Variants in ADGRL3 observed in about 807,000 individuals in gnomAD.
ADGRL3 encodes the protein calcium-independent alpha-latrotoxin receptor 3.
In ADGRL3, 62 loss-of-function variants were observed where a neutral mutation model predicts 153.5. That is an observed-to-expected ratio of 0.40 (90% CI 0.33 to 0.50). The LOEUF (loss-of-function observed/expected upper bound fraction) is 0.50. ADGRL3 is among the 20% of genes least tolerant of loss of function. The pLI, the probability that ADGRL3 is intolerant of heterozygous loss-of-function variation, is 0.47. For missense variants in ADGRL3, 1,641 were observed against 1,859.4 expected, an observed-to-expected ratio of 0.88 and a Z score of 2.16; for synonymous variants, 710 against 672.5, an observed-to-expected ratio of 1.06 and a Z score of -0.86.
chr4:61,790,627 A>C (rs1364949512), intron 8 of ADGRL3, among the ~76,000 whole-genome samples: 1 of 152,212 alleles, frequency 6.6e-6, no homozygotes, highest in Non-Finnish European at 1.5e-5. Context: ...TTCTGATGGA[A>C]ATATGTCTTA....
chr4:62,039,143 C>T (rs922477099), intron 24 of ADGRL3, among the ~76,000 whole-genome samples: 12 of 152,052 alleles, frequency 7.9e-5, no homozygotes, highest in African/African-American at 2.9e-4. Flanking sequence ...GTTCAATTGG[C>T]TTGTAAGCTT....
At chr4:61,245,375 G>A (rs531198669) in intron 1 of ADGRL3, among the ~76,000 whole-genome samples, 28 of 152,108 alleles carry the variant, frequency 1.8e-4, no homozygotes, top group African/African-American at 6.7e-4. Context: ...TTCTTCTCCA[G>A]ATAAAGCCTA....
At chr4:61,661,281 A>G (rs953072233) in intron 5 of ADGRL3, among the ~76,000 whole-genome samples, 2 of 152,104 alleles carry the variant, frequency 1.3e-5, no homozygotes, top group Non-Finnish European at 2.9e-5. Flanking sequence ...TATGCATACA[A>G]TCTGTTGTGA....
At chr4:61,353,735 A>T (rs116187565) in intron 1 of ADGRL3, among the ~76,000 whole-genome samples, 211 of 151,034 alleles carry the variant, frequency 1.4e-3, no homozygotes, top group African/African-American at 4.8e-3. Context: ...GTCACTGTAC[A>T]CATCCTAAGT....
intron 5 of ADGRL3, among the ~76,000 whole-genome samples, chr4:61,621,597 C>T (rs2092515122): frequency 1.3e-5 from 2 of 152,038 alleles, no homozygotes; most frequent in South Asian, 4.2e-4. Flanking sequence ...TTAAAAAATA[C>T]TATAATCTTA....
chr4:61,467,489 T>A (rs1025995132), intron 2 of ADGRL3, among the ~76,000 whole-genome samples: 25 of 149,660 alleles, frequency 1.7e-4, no homozygotes, highest in East Asian at 1.2e-3. Context: ...TGTGTGTGTG[T>A]GAGAGAGAGA....
chr4:61,346,240 GTCTC>G (rs141859178), intron 1 of ADGRL3, among the ~76,000 whole-genome samples: 5 of 146,846 alleles, frequency 3.4e-5, no homozygotes, highest in Admixed American at 1.4e-4. Context: ...AACATATTGA[GTCTC>G]TCTCTCTCTC....
chr4:61,235,270 A>G (rs12639891), intron 1 of ADGRL3, among the ~76,000 whole-genome samples: 53,886 of 151,954 alleles, frequency 0.35, 9,695 homozygotes, highest in East Asian at 0.39. Context: ...CAACTGTCCT[A>G]TGTTTTTACT....
chr4:62,045,846 T>A (rs1242889734), intron 25 of ADGRL3, among the ~76,000 whole-genome samples: 1 of 152,004 alleles, frequency 6.6e-6, no homozygotes, highest in Non-Finnish European at 1.5e-5. Flanking sequence ...AGCTACCTCC[T>A]GGTATTTTGT....
chr4:61,396,776 T>A (rs541334634), intron 2 of ADGRL3, among the ~76,000 whole-genome samples: 4 of 151,916 alleles, frequency 2.6e-5, no homozygotes, highest in Non-Finnish European at 5.9e-5. Context: ...AATGGATTCA[T>A]TTATAATTCA....
At chr4:61,458,363 A>G (rs1222299682) in intron 2 of ADGRL3, among the ~76,000 whole-genome samples, 1 of 151,394 alleles carries the variant, frequency 6.6e-6, no homozygotes, top group African/African-American at 2.4e-5. Context: ...AGAGAGATTT[A>G]TAAAAAACAA....
chr4:61,555,343 A>G (rs1007180457), intron 4 of ADGRL3, among the ~76,000 whole-genome samples: 2 of 152,228 alleles, frequency 1.3e-5, no homozygotes, highest in Non-Finnish European at 2.9e-5. Flanking sequence ...ACCTTATTAT[A>G]TACCTTAGCT....
intron 3 of ADGRL3, among the ~76,000 whole-genome samples, 167 bp downstream of exon 3, chr4:61,497,515 C>CTTT (rs5858707): frequency 1.0e-5 from 1 of 95,336 alleles, no homozygotes; most frequent in African/African-American, 3.6e-5. Context: ...CTTTTCTTTT[C>CTTT]TTTTTTTTTT....
chr4:61,810,498 T>C (rs904377446), intron 8 of ADGRL3, among the ~76,000 whole-genome samples: 1 of 152,156 alleles, frequency 6.6e-6, no homozygotes, highest in Non-Finnish European at 1.5e-5. Flanking sequence ...GTATTGACAG[T>C]AGAAAGAGAG....
chr4:61,499,301 A>G (rs575349827), intron 3 of ADGRL3, among the ~76,000 whole-genome samples: 6 of 152,326 alleles, frequency 3.9e-5, no homozygotes, highest in Admixed American at 6.5e-5. Flanking sequence ...TACTTATTCA[A>G]CAATCTCAAC....
At chr4:61,311,360 C>A (rs2150532497) in intron 1 of ADGRL3, among the ~76,000 whole-genome samples, 1 of 152,246 alleles carries the variant, frequency 6.6e-6, no homozygotes, top group South Asian at 2.1e-4. Context: ...ATACTGGGAG[C>A]TGTATTTGGA....
At chr4:62,061,298 T>C (rs1281574797) in intron 25 of ADGRL3, among the ~76,000 whole-genome samples, 1 of 151,872 alleles carries the variant, frequency 6.6e-6, no homozygotes, top group Admixed American at 6.6e-5. Context: ...TTTGAGATAA[T>C]TGTAGATTCA....
At chr4:61,785,020 G>A (rs1394960168) in intron 8 of ADGRL3, among the ~76,000 whole-genome samples, 1 of 152,126 alleles carries the variant, frequency 6.6e-6, no homozygotes, top group Non-Finnish European at 1.5e-5. Flanking sequence ...AACAATGAAT[G>A]ACATGTAAGT....
intron 21 of ADGRL3, among the ~76,000 whole-genome samples, chr4:62,013,898 A>T (rs144072087): frequency 7.1e-4 from 107 of 149,764 alleles, no homozygotes; most frequent in African/African-American, 1.9e-3. Context: ...AAAAAAAAAA[A>T]TTTTTTTTTT....
Sources: gnomAD v4.1 joint callset for allele counts (sites outside exome capture counted in the v4.1 genomes callset) on GRCh38, gnomAD v4.1.1 for gene constraint, MANE v1.5 for transcripts, NCBI Gene and HGNC (gene_info 2026-07-23, HGNC 2026-07-21) for gene names.